RARB: variants seen among roughly 807,000 people sequenced by gnomAD.
The protein encoded by RARB is HBV-activated protein.
A neutral mutation model predicts 51.9 loss-of-function variants in RARB; 17 were observed. That is an observed-to-expected ratio of 0.33 (90% confidence interval 0.22 to 0.49). The LOEUF is 0.49. Among genes scored for constraint, RARB ranks in the 20% least tolerant of loss-of-function variants. RARB has a pLI of 0.99. For missense variants in RARB, 369 were observed against 550.8 expected, an observed-to-expected ratio of 0.67 and a Z score of 3.30; for synonymous variants, 215 against 195.4, an observed-to-expected ratio of 1.10 and a Z score of -0.84.
chr3:25,275,272 G>A (rs1703354034), intron 5 of RARB, among the ~76,000 whole-genome samples: 1 of 152,116 alleles, frequency 6.6e-6, no homozygotes, highest in African/African-American at 2.4e-5. Context: ...GACCAGCCTG[G>A]GCACATGGCA....
chr3:25,169,852 G>C (rs370999162), intron 4 of RARB, among the ~76,000 whole-genome samples: 1 of 152,122 alleles, frequency 6.6e-6, no homozygotes, highest in East Asian at 1.9e-4. Context: ...GCTGGGCCTG[G>C]TGACACACAC....
intron 5 of RARB, among the ~76,000 whole-genome samples, chr3:25,592,076 G>A (rs191707310): frequency 1.3e-5 from 2 of 152,170 alleles, no homozygotes; most frequent in Admixed American, 1.3e-4. Context: ...TGAGAGATTT[G>A]ACAGAAGTTT....
At chr3:25,253,556 A>G (rs1254053939) in intron 5 of RARB, among the ~76,000 whole-genome samples, 3 of 152,178 alleles carry the variant, frequency 2.0e-5, no homozygotes, top group Admixed American at 6.6e-5. Context: ...TTGCCTGGGT[A>G]TAGATAATAC....
chr3:25,419,394 T>C (rs1325032156), intron 5 of RARB, among the ~76,000 whole-genome samples: 1 of 152,182 alleles, frequency 6.6e-6, no homozygotes, highest in Non-Finnish European at 1.5e-5. Context: ...CTAAGCTGCC[T>C]TAGCAGGATT....
chr3:24,906,874 A>C (rs1161719965), intron 2 of RARB, among the ~76,000 whole-genome samples: 6 of 150,354 alleles, frequency 4.0e-5, no homozygotes, highest in African/African-American at 7.3e-5. Context: ...AAGCAAAAAA[A>C]CCCCCCACTA....
At chr3:25,131,801 C>A (rs1575174902) in intron 3 of RARB, among the ~76,000 whole-genome samples, 1 of 151,728 alleles carries the variant, frequency 6.6e-6, no homozygotes, top group East Asian at 1.9e-4. Flanking sequence ...TCTCCCCACT[C>A]CCAACCCCTC....
chr3:25,390,358 C>T (rs1458548534), intron 5 of RARB, among the ~76,000 whole-genome samples: 2 of 152,112 alleles, frequency 1.3e-5, no homozygotes, highest in East Asian at 1.9e-4. Flanking sequence ...ACTCTATTTA[C>T]GAGGAAGAAG....
intron 5 of RARB, among the ~76,000 whole-genome samples, chr3:25,227,482 C>A (rs1425761436): frequency 2.6e-5 from 4 of 152,200 alleles, no homozygotes; most frequent in Admixed American, 1.3e-4. Flanking sequence ...ATTTCCACAA[C>A]TATTTTTTTT....
At chr3:25,445,759 CT>C (rs776138043) in intron 1 of RARB, among the ~76,000 whole-genome samples, 24 of 152,110 alleles carry the variant, frequency 1.6e-4, no homozygotes, top group Non-Finnish European at 3.2e-4. Context: ...CAGGAGTTCT[CT>C]AAACAAGAAC....
At chr3:25,182,237 G>A (rs1340707433) in intron 5 of RARB, among the ~76,000 whole-genome samples, 8 of 152,180 alleles carry the variant, frequency 5.3e-5, no homozygotes, top group African/African-American at 9.7e-5. Flanking sequence ...AAATAACAGT[G>A]TGAAATAAAC....
chr3:25,060,332 T>G lies in RARB; in HGVS notation c.-328+156T>G, dbSNP rs1559451275. Among the ~76,000 whole-genome samples the G allele has an allele frequency of 2.6e-5, 4 of 151,912 alleles. No homozygotes were observed. The South Asian group carries it at 6.2e-4, about 24-fold the overall frequency. The stretch of plus-strand genomic sequence containing the variant: ...ACATAAAAACCAATATTTATATTTT[T>G]ACTATATATAAAAATGGTTCTATAA... On this transcript the variant is annotated intron_variant, in intron 3 of 11. Transcript: ENST00000383772.
chr3:24,997,397 C>T (rs1319075590), intron 2 of RARB, among the ~76,000 whole-genome samples: 3 of 150,152 alleles, frequency 2.0e-5, no homozygotes, highest in Admixed American at 1.3e-4. Context: ...TTTTTTTAAT[C>T]TAGTCTTTAT....
intron 5 of RARB, among the ~76,000 whole-genome samples, chr3:25,288,266 T>G (rs1703703465): frequency 6.6e-6 from 1 of 152,146 alleles, no homozygotes; most frequent in Non-Finnish European, 1.5e-5. Context: ...TAAGACATTC[T>G]GGATATTAAA....
chr3:25,522,359 G>A (rs1040935952), intron 3 of RARB, among the ~76,000 whole-genome samples: 5 of 152,058 alleles, frequency 3.3e-5, no homozygotes, highest in African/African-American at 4.8e-5. Flanking sequence ...CGCAGGGGGC[G>A]GGGCACGTTT....
chr3:25,108,002 A>G (rs1381089942), intron 3 of RARB, among the ~76,000 whole-genome samples: 1 of 152,212 alleles, frequency 6.6e-6, no homozygotes, highest in African/African-American at 2.4e-5. Flanking sequence ...TAAGTAAAAT[A>G]AGGTTTACTT....
chr3:25,025,825 C>A (rs954676764), intron 2 of RARB, among the ~76,000 whole-genome samples: 2 of 152,028 alleles, frequency 1.3e-5, no homozygotes, highest in African/African-American at 4.8e-5. Context: ...CATATAAATC[C>A]CATTAAGTGT....
intron 2 of RARB, among the ~76,000 whole-genome samples, chr3:25,024,356 G>T (rs531600008): frequency 6.6e-6 from 1 of 152,164 alleles, no homozygotes; most frequent in African/African-American, 2.4e-5. Flanking sequence ...CTATTTCTGA[G>T]TGTGAATTGC....
chr3:25,510,159 G>A (rs1235762564), intron 3 of RARB, among the ~76,000 whole-genome samples: 1 of 152,188 alleles, frequency 6.6e-6, no homozygotes, highest in Non-Finnish European at 1.5e-5. Flanking sequence ...TTGAGAGAGG[G>A]TAAGAGACCT....
chr3:25,029,203 C>T (rs1697818222), intron 2 of RARB, among the ~76,000 whole-genome samples: 2 of 152,222 alleles, frequency 1.3e-5, no homozygotes, highest in Non-Finnish European at 1.5e-5. Flanking sequence ...AAGTGGGAAA[C>T]TGTCTTGGAA....
Sources: gnomAD v4.1 joint callset for allele counts (sites outside exome capture counted in the v4.1 genomes callset) on GRCh38, gnomAD v4.1.1 for gene constraint, MANE v1.5 for transcripts, NCBI Gene and HGNC (gene_info 2026-07-23, HGNC 2026-07-21) for gene names.